Variants in RGS5 observed in about 807,000 individuals in gnomAD.
RGS5 encodes the protein regulator of G protein signaling 5, also known as regulator of G-protein signalling 5.
RGS5 carries 20 observed loss-of-function variants against 18.9 expected under a neutral mutation model. The ratio of observed to expected loss-of-function variants is 1.06; its 90% confidence interval spans 0.74 to 1.54. RGS5 has a LOEUF of 1.54. RGS5 is among the 40% of genes most tolerant of loss of function. The probability of loss-of-function intolerance (pLI) is 0.00; values close to 1 mark genes in which losing one functional copy is unlikely to be tolerated. For synonymous variants in RGS5, 57 were observed against 76.2 expected, an observed-to-expected ratio of 0.75 and a Z score of 1.31; for missense variants, 201 against 211.8, an observed-to-expected ratio of 0.95 and a Z score of 0.32.
intron 2 of RGS5, among the ~76,000 whole-genome samples, chr1:163,290,235 A>G (rs147782014): frequency 0.015 from 2,259 of 152,236 alleles, 24 homozygotes; most frequent in South Asian, 0.025. Flanking sequence ...CACTTCTCTC[A>G]CTGCAGGAGA....
At chr1:163,275,411 T>C (rs939046103) in intron 2 of RGS5, among the ~76,000 whole-genome samples, 3 of 152,188 alleles carry the variant, frequency 2.0e-5, no homozygotes, top group African/African-American at 7.2e-5. Flanking sequence ...ATCAGCCTAG[T>C]GAAGATGCTG....
chr1:163,177,383 G>C lies in RGS5; in HGVS notation c.45-9015C>G, dbSNP rs115939248. Among the ~76,000 whole-genome samples, 1,399 of 152,224 alleles carry C rather than the reference G, an allele frequency of 9.2e-3. 20 individuals carry two copies. The highest frequency in any genetic ancestry group is 0.032 in the African/African-American group (1,314 of 41,542). ...GTGTAGTCAGGGCAGAAAGAACTAG[G>C]ACTTTATTGAGATTATAGAATAAGT... On this transcript the variant is annotated intron_variant, in intron 1 of 4. Transcript: ENST00000313961.
At chr1:163,206,743 A>G (rs1659964318), upstream of RGS5, 1 of 151,310 alleles carries the variant, frequency 6.6e-6, no homozygotes, top group Admixed American at 6.6e-5. Context: ...AGCAGCTCTC[A>G]TCAGACACCG....
At chr1:163,233,804 GC>G (rs1647545910) in intron 2 of RGS5, among the ~76,000 whole-genome samples, 1 of 152,106 alleles carries the variant, frequency 6.6e-6, no homozygotes, top group Admixed American at 6.5e-5. Context: ...ATTCACAAGG[GC>G]GGGGGACTAT....
chr1:163,160,564 G>A (rs1160410013), intron 3 of RGS5, among the ~76,000 whole-genome samples: 1 of 152,134 alleles, frequency 6.6e-6, no homozygotes, highest in African/African-American at 2.4e-5. Context: ...GCTAGAGAAA[G>A]TTCCAAATTA....
chr1:163,278,755 G>A (rs1571336786), intron 2 of RGS5, among the ~76,000 whole-genome samples: 1 of 152,140 alleles, frequency 6.6e-6, no homozygotes, highest in South Asian at 2.1e-4. Flanking sequence ...AAATAGACTG[G>A]CTGAGTGAAT....
intron 2 of RGS5, among the ~76,000 whole-genome samples, chr1:163,246,673 C>T (rs893343725): frequency 2.6e-5 from 4 of 152,174 alleles, no homozygotes; most frequent in African/African-American, 7.2e-5. Context: ...ACAGTTCTTA[C>T]AGTGATATAT....
At chr1:163,309,909 G>C (rs1363091748) in intron 1 of RGS5, among the ~76,000 whole-genome samples, 1 of 152,206 alleles carries the variant, frequency 6.6e-6, no homozygotes, top group Non-Finnish European at 1.5e-5. Flanking sequence ...CTGCAGAACA[G>C]ATGTTGTATT....
intron 1 of RGS5, chr1:163,211,631 T>C (rs1002858103): frequency 1.3e-5 from 2 of 152,212 alleles, no homozygotes; most frequent in African/African-American, 4.8e-5. Flanking sequence ...CACTCAACTA[T>C]AGAATAAGAT....
intron 2 of RGS5, among the ~76,000 whole-genome samples, chr1:163,286,594 T>C (rs1649153448): frequency 6.6e-6 from 1 of 152,130 alleles, no homozygotes; most frequent in Non-Finnish European, 1.5e-5. Context: ...TATTTTATGG[T>C]ATTTTATCAA....
At chr1:163,159,878 TACACATACATACATGTGTATAC>T (rs897753679) in intron 3 of RGS5, among the ~76,000 whole-genome samples, 29 of 152,276 alleles carry the variant, frequency 1.9e-4, no homozygotes, top group South Asian at 1.4e-3. Context: ...ATTATATATA[TACACATACATACATGTGTATAC>T]ACACATACAT....
chr1:163,163,975 C>T (rs556132662), intron 2 of RGS5, among the ~76,000 whole-genome samples: 3 of 152,248 alleles, frequency 2.0e-5, no homozygotes, highest in South Asian at 4.2e-4. Flanking sequence ...CTGATTTTTC[C>T]CAAATGGCCT....
intron 1 of RGS5, among the ~76,000 whole-genome samples, chr1:163,194,359 T>A (rs140067728): frequency 6.6e-6 from 1 of 152,324 alleles, no homozygotes; most frequent in African/African-American, 2.4e-5. Context: ...CCTTCCTATA[T>A]GACTTAGATG....
chr1:163,269,404 T>G (rs890906546), intron 2 of RGS5, among the ~76,000 whole-genome samples: 1 of 152,030 alleles, frequency 6.6e-6, no homozygotes, highest in Non-Finnish European at 1.5e-5. Context: ...CATATGCATC[T>G]CTCCAACATA....
intron 2 of RGS5, among the ~76,000 whole-genome samples, chr1:163,280,869 A>G (rs1648974069): frequency 6.6e-6 from 1 of 152,234 alleles, no homozygotes; most frequent in Non-Finnish European, 1.5e-5. Context: ...ACTTTAAAAT[A>G]TACTACAAAA....
At position 163,306,264 on chromosome 1, in the gene RGS5, A is replaced by G. The variant is rs1318970396; in HGVS notation, c.-312T>C. 2.0e-5 allele frequency: 3 copies of G among 152,200 alleles called. 1 individual carries two copies. Among genetic ancestry groups the G allele is most frequent in the African/African-American group, 7.2e-5 (3 of 41,448 alleles). The allele number at this position is 152,200 out of a possible 1,614,324, so 9.4% of individuals were successfully genotyped here. Reference sequence around the variant, plus strand: ...CTGTGAGAGACCCGAAGTGTCACCAATTCAGTTAACTTTCTCCTTTTTCCC... The same window carrying G: ...CTGTGAGAGACCCGAAGTGTCACCAGTTCAGTTAACTTTCTCCTTTTTCCC... On this transcript the variant is annotated 5_prime_UTR_variant, in exon 2 of 6. Coordinates refer to the RGS5 transcript ENST00000618415.
intron 1 of RGS5, among the ~76,000 whole-genome samples, chr1:163,311,501 T>C (rs1649861264): frequency 6.6e-6 from 1 of 152,214 alleles, no homozygotes; most frequent in South Asian, 2.1e-4. Flanking sequence ...CTAGTTTTTA[T>C]TTTAAGTGAG....
chr1:163,201,992 A>G (rs1659787157), intron 1 of RGS5, among the ~76,000 whole-genome samples: 4 of 152,148 alleles, frequency 2.6e-5, no homozygotes, highest in African/African-American at 7.2e-5. Flanking sequence ...TTGTTCTTCT[A>G]TTTGCTTAGC....
chr1:163,267,025 G>A (rs1298835591), intron 2 of RGS5, among the ~76,000 whole-genome samples: 1 of 152,092 alleles, frequency 6.6e-6, no homozygotes. Flanking sequence ...TCTAGGAAGT[G>A]CCATGTATAT....
Sources: allele counts gnomAD v4.1 joint callset (sites outside exome capture counted in the v4.1 genomes callset), GRCh38; gene constraint gnomAD v4.1.1; transcripts MANE v1.5; gene names NCBI Gene and HGNC (gene_info 2026-07-23, HGNC 2026-07-21).